RAPGEF5: variants seen among roughly 807,000 people sequenced by gnomAD.
RAPGEF5 encodes M-Ras-regulated GEF.
RAPGEF5 carries 65 observed loss-of-function variants against 125.2 expected under a neutral mutation model. The observed-to-expected ratio is 0.52, with a 90% CI of 0.43 to 0.64. RAPGEF5 has a LOEUF of 0.64. Ranked by LOEUF, RAPGEF5 falls within the 30% of genes least tolerant of loss-of-function variation. The probability of loss-of-function intolerance (pLI) is 0.00; values close to 1 mark genes in which losing one functional copy is unlikely to be tolerated. For missense variants in RAPGEF5, 958 were observed against 1,048.1 expected, an observed-to-expected ratio of 0.91 and a Z score of 1.19; for synonymous variants, 391 against 385.9, an observed-to-expected ratio of 1.01 and a Z score of -0.16.
intron 5 of RAPGEF5, 131 bp from the exon 6 acceptor site, chr7:22,291,372 A>G: frequency 7.3e-7 from 1 of 1,366,124 alleles, no homozygotes; most frequent in Non-Finnish European, 9.6e-7. Context: ...AAAATAACAA[A>G]GGTTGTGACA....
intron 6 of RAPGEF5, among the ~76,000 whole-genome samples, chr7:22,275,427 C>G (rs1782534158): frequency 1.3e-5 from 2 of 152,114 alleles, no homozygotes; most frequent in South Asian, 4.1e-4. Flanking sequence ...GTAGGGGGAA[C>G]ATGATCATTA....
intron 11 of RAPGEF5, chr7:22,192,976 GC>G: frequency 4.3e-6 from 1 of 231,538 alleles, no homozygotes; most frequent in Middle Eastern, 1.6e-3. Flanking sequence ...GGAGGCTGCT[GC>G]CCCCAGCTCA....
intron 9 of RAPGEF5, among the ~76,000 whole-genome samples, chr7:22,216,102 C>T (rs1017648595): frequency 3.9e-5 from 6 of 152,226 alleles, no homozygotes; most frequent in Admixed American, 2.0e-4. Context: ...TCCACATTTA[C>T]TCCCTCCTCA....
chr7:22,235,014 C>T (rs1220617614), intron 7 of RAPGEF5, among the ~76,000 whole-genome samples: 2 of 152,180 alleles, frequency 1.3e-5, no homozygotes, highest in Non-Finnish European at 2.9e-5. Context: ...TGTGCTGACT[C>T]TCATCAGGAC....
intron 25 of RAPGEF5, among the ~76,000 whole-genome samples, chr7:22,124,015 T>C (rs1028535932): frequency 6.6e-6 from 1 of 152,220 alleles, no homozygotes; most frequent in African/African-American, 2.4e-5. Flanking sequence ...CCCAAACCAA[T>C]TTTTTAAAGA....
intron 9 of RAPGEF5, among the ~76,000 whole-genome samples, chr7:22,209,421 C>T (rs1377508533): frequency 6.6e-6 from 1 of 152,152 alleles, no homozygotes; most frequent in Admixed American, 6.5e-5. Flanking sequence ...CTCTCCATTT[C>T]GTATCCTACA....
intron 7 of RAPGEF5, among the ~76,000 whole-genome samples, chr7:22,256,951 G>A (rs1161435734): frequency 6.6e-6 from 1 of 152,184 alleles, no homozygotes; most frequent in East Asian, 1.9e-4. Context: ...TGGCCTTTTA[G>A]AAAATTACAA....
rs1382045441 is a variant in RAPGEF5, at chr7:22,162,555, A to C, written c.1284-14T>G. On this transcript the variant is annotated splice_polypyrimidine_tract_variant and intron_variant, in intron 12 of 25. Coordinates refer to ENST00000665637, the MANE Select transcript of RAPGEF5 (RefSeq NM_012294.5). ...TTAGCAGAATAGGTGCAAATGGTTA[A>C]GAAAAAATTATATTGTTGAAAATTT... 6.3e-7 allele frequency: 1 copy of C among 1,594,468 alleles called. No homozygotes were observed. Among genetic ancestry groups the C allele is most frequent in the South Asian group, 1.1e-5 (1 of 88,968 alleles).
At chr7:22,207,735 T>C (rs192046453) in intron 9 of RAPGEF5, among the ~76,000 whole-genome samples, 1 of 152,316 alleles carries the variant, frequency 6.6e-6, no homozygotes, top group Admixed American at 6.5e-5. Context: ...CCAAGGACTA[T>C]GTATAATATA....
chr7:22,309,530 T>C (rs1293195094), intron 4 of RAPGEF5, among the ~76,000 whole-genome samples: 5 of 152,246 alleles, frequency 3.3e-5, no homozygotes, highest in African/African-American at 4.8e-5. Context: ...AAACAGCTAA[T>C]TTTCATAGGT....
At chr7:22,134,581 T>C (rs577362044) in intron 23 of RAPGEF5, among the ~76,000 whole-genome samples, 5 of 152,300 alleles carry the variant, frequency 3.3e-5, no homozygotes, top group Admixed American at 1.3e-4. Context: ...TAAAGAAATA[T>C]TGTCAACTAA....
At chr7:22,293,400 C>T (rs557689391) in intron 5 of RAPGEF5, among the ~76,000 whole-genome samples, 10 of 152,308 alleles carry the variant, frequency 6.6e-5, no homozygotes, top group South Asian at 6.2e-4. Flanking sequence ...CTCCTCACTC[C>T]GGCCTTTGGG....
intron 5 of RAPGEF5, among the ~76,000 whole-genome samples, chr7:22,296,345 G>C (rs1299977659): frequency 2.6e-5 from 4 of 152,156 alleles, no homozygotes; most frequent in Non-Finnish European, 5.9e-5. Flanking sequence ...GACACACAAG[G>C]AGGAGCCACA....
intron 7 of RAPGEF5, among the ~76,000 whole-genome samples, chr7:22,241,756 G>A (rs1206993799): frequency 1.3e-5 from 2 of 152,036 alleles, no homozygotes; most frequent in African/African-American, 2.4e-5. Context: ...GGTTTTCCTC[G>A]TCAGACCCAC....
At chr7:22,306,929 T>C (rs1783355697) in intron 5 of RAPGEF5, among the ~76,000 whole-genome samples, 2 of 152,152 alleles carry the variant, frequency 1.3e-5, no homozygotes, top group Admixed American at 1.3e-4. Flanking sequence ...TTTCATGCAA[T>C]TACCATGCTG....
intron 2 of RAPGEF5, 128 bp downstream of exon 2, chr7:22,317,859 T>C: frequency 8.2e-7 from 1 of 1,217,014 alleles, no homozygotes; most frequent in Non-Finnish European, 1.1e-6. Flanking sequence ...GATAATGTGA[T>C]CACTGCAGCA....
intron 7 of RAPGEF5, among the ~76,000 whole-genome samples, chr7:22,250,314 G>A (rs1296566764): frequency 2.0e-5 from 3 of 152,140 alleles, no homozygotes; most frequent in African/African-American, 7.2e-5. Flanking sequence ...AAAAGACAAT[G>A]TCTGATTTAG....
chr7:22,291,854 A>AGTTT (rs372458584), intron 5 of RAPGEF5, among the ~76,000 whole-genome samples: 70 of 152,336 alleles, frequency 4.6e-4, no homozygotes, highest in South Asian at 2.9e-3. Flanking sequence ...ATGTAAGATC[A>AGTTT]GTTTGTTTGT....
At chr7:22,353,946 C>G (rs573086888) in intron 1 of RAPGEF5, among the ~76,000 whole-genome samples, 16 of 152,212 alleles carry the variant, frequency 1.1e-4, no homozygotes, top group African/African-American at 3.9e-4. Context: ...GTGGTGTGTG[C>G]CTGTATCCCA....
Sources: gnomAD v4.1 joint callset for allele counts (sites outside exome capture counted in the v4.1 genomes callset) on GRCh38, gnomAD v4.1.1 for gene constraint, MANE v1.5 for transcripts, NCBI Gene and HGNC (gene_info 2026-07-23, HGNC 2026-07-21) for gene names.